The following ARID4A variants were observed in gnomAD, a reference collection of about 807,000 sequenced individuals.
ARID4A encodes the protein AT-rich interaction domain 4A.
In ARID4A, 39 loss-of-function variants were observed where a neutral mutation model predicts 148.6. The observed-to-expected ratio is 0.26, with a 90% CI of 0.20 to 0.34. The LOEUF is 0.34. Among genes scored for constraint, ARID4A ranks in the 10% least tolerant of loss-of-function variants. The probability of loss-of-function intolerance (pLI) is 1.00; values close to 1 mark genes in which losing one functional copy is unlikely to be tolerated. For synonymous variants in ARID4A, 475 were observed against 481.2 expected (o/e 0.99, Z 0.17); for missense variants, 1,265 against 1,449.1 (o/e 0.87, Z 2.06).
chr14:58,310,019 C>T (rs1211811969), intron 5 of ARID4A, among the ~76,000 whole-genome samples: 1 of 152,054 alleles, frequency 6.6e-6, no homozygotes, highest in Non-Finnish European at 1.5e-5. Context: ...TTTTCAAACC[C>T]AGGTGGCTCT....
chr14:58,312,265 G>A (rs1287957194), intron 5 of ARID4A, among the ~76,000 whole-genome samples: 1 of 148,358 alleles, frequency 6.7e-6, no homozygotes, highest in Non-Finnish European at 1.5e-5. Flanking sequence ...TGCCCAGGCT[G>A]GAGAGCAGTG....
At chr14:58,304,237 A>G (rs867915001) in intron 3 of ARID4A, among the ~76,000 whole-genome samples, 15 of 152,276 alleles carry the variant, frequency 9.9e-5, no homozygotes, top group Admixed American at 6.5e-4. Context: ...TGTTTTTATC[A>G]TGTCAGCTAT....
intron 5 of ARID4A, among the ~76,000 whole-genome samples, chr14:58,315,244 A>G (rs1480192090): frequency 6.6e-6 from 1 of 152,160 alleles, no homozygotes. Context: ...TTTTTTAAAA[A>G]AAAATTTCTA....
intron 5 of ARID4A, among the ~76,000 whole-genome samples, chr14:58,308,740 A>G (rs923438905): frequency 4.6e-5 from 7 of 152,198 alleles, no homozygotes; most frequent in African/African-American, 1.7e-4. Context: ...ATTAGGTGTA[A>G]TTGCTCTTTT....
intron 5 of ARID4A, among the ~76,000 whole-genome samples, chr14:58,314,435 A>G (rs2032268153): frequency 6.6e-6 from 1 of 152,144 alleles, no homozygotes; most frequent in South Asian, 2.1e-4. Flanking sequence ...TATAAAAAAC[A>G]TAGAAATATA....
At chr14:58,355,909 T>G (rs2034847598) in intron 17 of ARID4A, among the ~76,000 whole-genome samples, 2 of 152,228 alleles carry the variant, frequency 1.3e-5, no homozygotes, top group Admixed American at 1.3e-4. Flanking sequence ...CAGCAGTCAT[T>G]TTATTATACG....
chr14:58,326,361 C>G (rs985744930), intron 8 of ARID4A, among the ~76,000 whole-genome samples: 3 of 152,120 alleles, frequency 2.0e-5, no homozygotes, highest in Non-Finnish European at 4.4e-5. Flanking sequence ...GGCATGAACC[C>G]GGAAGGCGGA....
chr14:58,336,719 G>A (rs565255437), intron 11 of ARID4A, among the ~76,000 whole-genome samples: 3 of 152,128 alleles, frequency 2.0e-5, no homozygotes, highest in Admixed American at 6.5e-5. Flanking sequence ...GGTTTTTAAA[G>A]TAAGACTGTT....
chr14:58,314,379 A>G (rs1358660294), intron 5 of ARID4A, among the ~76,000 whole-genome samples: 1 of 152,182 alleles, frequency 6.6e-6, no homozygotes, highest in Non-Finnish European at 1.5e-5. Flanking sequence ...CATGGTTTTG[A>G]TCATCAGGGA....
At chr14:58,365,695 A>G in intron 21 of ARID4A, 73 bp downstream of exon 21, 4 of 1,266,960 alleles carry the variant, frequency 3.2e-6, no homozygotes, top group Non-Finnish European at 4.5e-6. Context: ...TTTTAAACAT[A>G]AATGGAGCAA....
intron 18 of ARID4A, among the ~76,000 whole-genome samples, chr14:58,360,083 T>A (rs929387637): frequency 1.4e-5 from 2 of 140,798 alleles, no homozygotes; most frequent in East Asian, 2.2e-4. Context: ...AAAAAAAAAA[T>A]CTTGATTCTT....
At chr14:58,342,560 A>C (rs977399949) in intron 11 of ARID4A, among the ~76,000 whole-genome samples, 1 of 152,212 alleles carries the variant, frequency 6.6e-6, no homozygotes, top group African/African-American at 2.4e-5. Flanking sequence ...GCCTTTTTAA[A>C]GAATTGCTTT....
intron 7 of ARID4A, among the ~76,000 whole-genome samples, chr14:58,320,799 G>T (rs1308427364): frequency 6.6e-6 from 1 of 151,930 alleles, no homozygotes. Flanking sequence ...AGTAGAGACG[G>T]GATTTCACTG....
intron 16 of ARID4A, 185 bp downstream of exon 16, chr14:58,351,508 G>T: frequency 1.4e-6 from 1 of 730,540 alleles, no homozygotes; most frequent in East Asian, 2.8e-5. Context: ...AGAATATACT[G>T]GTCGCACCAT....
At chr14:58,324,129 C>T (rs1008891356) in intron 8 of ARID4A, among the ~76,000 whole-genome samples, 1 of 152,094 alleles carries the variant, frequency 6.6e-6, no homozygotes, top group Non-Finnish European at 1.5e-5. Flanking sequence ...TGGTCTCGAT[C>T]TCCTGACCTC....
chr14:58,334,673 C>T (rs575706672), intron 11 of ARID4A, among the ~76,000 whole-genome samples: 1 of 152,278 alleles, frequency 6.6e-6, no homozygotes, highest in African/African-American at 2.4e-5. Flanking sequence ...TGCTCTCTTT[C>T]GCTCAAGGCA....
At chr14:58,346,651 G>T in intron 13 of ARID4A, 146 bp downstream of exon 13, 2 of 590,592 alleles carry the variant, frequency 3.4e-6, no homozygotes, top group Non-Finnish European at 5.6e-6. Context: ...TTCCTGGCCA[G>T]GCACGGTGGC....
At chr14:58,331,578 A>G (rs2033522574) in intron 11 of ARID4A, 1 of 152,142 alleles carries the variant, frequency 6.6e-6, no homozygotes, top group South Asian at 2.1e-4. Flanking sequence ...ATTAAATAAG[A>G]ATTTTAGGTA....
intron 11 of ARID4A, among the ~76,000 whole-genome samples, chr14:58,338,039 G>A (rs984002478): frequency 5.9e-5 from 9 of 152,166 alleles, no homozygotes; most frequent in East Asian, 1.9e-4. Context: ...AGAAGGTGCT[G>A]TTGAGCTGTA....
Sources: gnomAD v4.1 joint callset for allele counts (sites outside exome capture counted in the v4.1 genomes callset) on GRCh38, gnomAD v4.1.1 for gene constraint, MANE v1.5 for transcripts, NCBI Gene and HGNC (gene_info 2026-07-23, HGNC 2026-07-21) for gene names.